OSBPL3: variants seen among roughly 807,000 people sequenced by gnomAD.
OSBPL3 encodes oxysterol-binding protein-related protein 3.
In OSBPL3, 65 loss-of-function variants were observed where a neutral mutation model predicts 120.1. That is an observed-to-expected ratio of 0.54 (90% CI 0.44 to 0.67). OSBPL3 has a LOEUF of 0.67. Ranked by LOEUF, OSBPL3 falls within the 30% of genes least tolerant of loss-of-function variation. The pLI, the probability that OSBPL3 is intolerant of heterozygous loss-of-function variation, is 0.00. For synonymous variants in OSBPL3, 416 were observed against 402.6 expected (o/e 1.03, Z -0.40); for missense variants, 1,004 against 1,082.1 (o/e 0.93, Z 1.01).
chr7:24,844,890 A>G (rs894599810), intron 12 of OSBPL3, among the ~76,000 whole-genome samples: 15 of 152,176 alleles, frequency 9.9e-5, no homozygotes, highest in African/African-American at 3.4e-4. Flanking sequence ...TGTCTGCTCC[A>G]TTCACTAACC....
At chr7:24,812,535 AGC>A (rs1793959568) in intron 19 of OSBPL3, among the ~76,000 whole-genome samples, 1 of 151,976 alleles carries the variant, frequency 6.6e-6, no homozygotes. Flanking sequence ...AGGGAGCTCT[AGC>A]ACCCTAGAGT....
In OSBPL3 at chr7:24,873,842, C is replaced by T. The variant is rs560106370; in HGVS notation, c.97-1773G>A. 7.2e-5 allele frequency among the ~76,000 whole-genome samples: 11 copies of T among 152,222 alleles called. No individual in the cohort carries two copies. The highest frequency in any genetic ancestry group is 1.5e-4 in the Non-Finnish European group (10 of 68,008). ...AATGTTAATGAACCTTTAAGGTTGT[C>T]AAGTTAAAAATTCCACCTCAAATTT... On this transcript the variant is annotated intron_variant, in intron 2 of 22. Transcript: ENST00000313367. The surrounding 1 kb of genome is among the most constrained non-coding windows in gnomAD (Gnocchi z 4.1).
chr7:24,847,059 C>CAA (rs10712873), intron 12 of OSBPL3, among the ~76,000 whole-genome samples: 8,761 of 106,076 alleles, frequency 0.083, 408 homozygotes, highest in Non-Finnish European at 0.13. Context: ...GACTCTGTCT[C>CAA]AAAAAAAAAA....
chr7:24,934,043 C>T (rs939121237), intron 1 of OSBPL3, among the ~76,000 whole-genome samples: 3 of 152,142 alleles, frequency 2.0e-5, no homozygotes, highest in Non-Finnish European at 2.9e-5. Context: ...ATTTTCTCAG[C>T]TGGAGCCAAG....
chr7:24,937,177 ATAT>A lies in OSBPL3; in HGVS notation c.-150+42706_-150+42708del, dbSNP rs938164969. Among the ~76,000 whole-genome samples, 16 of 152,316 alleles carry A rather than the reference ATAT, an allele frequency of 1.1e-4. 1 individual carries two copies. The highest frequency in any genetic ancestry group is 9.2e-4 in the Admixed American group (14 of 15,300). On this transcript the variant is annotated intron_variant, in intron 1 of 22. Coordinates refer to ENST00000313367, the MANE Select transcript of OSBPL3 (RefSeq NM_015550.4). The surrounding 1 kb of genome is among the most constrained non-coding windows in gnomAD (Gnocchi z 4.0). The stretch of plus-strand genomic sequence containing the variant: ...CGAGCAAAAGGGGGAAAAGGCCCTT[ATAT>A]TATAAAACCATCAGATGTAGTGAGA...
rs991735339 is a variant in OSBPL3 at position 24,899,026 on chromosome 7, T to C, written c.-149-6405A>G. Among the ~76,000 whole-genome samples, 3 of 152,148 alleles carry C rather than the reference T, an allele frequency of 2.0e-5. No homozygotes were observed. Among genetic ancestry groups the C allele is most frequent in the African/African-American group, 7.2e-5 (3 of 41,420 alleles). ...ACAAGACAGAACTTTTTTTTAACCA[T>C]AACCTGCACTGAAACCACCACCATC... On this transcript the variant is annotated intron_variant, in intron 1 of 22. Transcript: ENST00000313367. The surrounding 1 kb of genome is among the most constrained non-coding windows in gnomAD (Gnocchi z 4.0).
At chr7:24,882,426 T>A (rs2128312546) in intron 2 of OSBPL3, among the ~76,000 whole-genome samples, 1 of 152,336 alleles carries the variant, frequency 6.6e-6, no homozygotes, top group African/African-American at 2.4e-5. Context: ...TGCTGCAAAA[T>A]ACATGATTTC....
At position 24,866,097 on chromosome 7, in the gene OSBPL3, C is replaced by T; in HGVS notation, c.522G>A (p.Gly174=). The T allele has an allele frequency of 6.2e-7, 1 of 1,613,808 alleles. No homozygotes were observed. The highest frequency in any genetic ancestry group is 2.2e-5 in the East Asian group (1 of 44,878). Reference sequence around the variant, plus strand: ...TCCTACTTGAAATGGAGTCAAACACCCCAGATGAAGAGTCTGTGATGGTGG... The same window carrying T: ...TCCTACTTGAAATGGAGTCAAACACTCCAGATGAAGAGTCTGTGATGGTGG... ...SGSTITDSSS[G]VFDSISSRKR... is the part of the protein sequence containing the mutation. The change falls in exon 6 of 23, where the codon GGG becomes GGA. Residue 174 remains glycine (G), a synonymous_variant. Coordinates refer to ENST00000313367, the MANE Select transcript of OSBPL3 (RefSeq NM_015550.4).
At chr7:24,969,141 A>AT (rs1273561427) in intron 1 of OSBPL3, among the ~76,000 whole-genome samples, 5 of 152,358 alleles carry the variant, frequency 3.3e-5, no homozygotes, top group Admixed American at 2.0e-4. Context: ...GTTTCTTCAA[A>AT]ACTTTGCCAA....
At chr7:24,901,969 C>T (rs2128382166) in intron 1 of OSBPL3, among the ~76,000 whole-genome samples, 1 of 152,244 alleles carries the variant, frequency 6.6e-6, no homozygotes, top group South Asian at 2.1e-4. Flanking sequence ...TTTTGTAGAG[C>T]AGTAATAATA....
rs1378666117 is a variant in OSBPL3, at chr7:24,804,015, T to C, written c.2567+300A>G. Among the ~76,000 whole-genome samples the C allele has an allele frequency of 6.6e-6, 1 of 152,100 alleles. No individual in the cohort carries two copies. The highest frequency in any genetic ancestry group is 1.5e-5 in the Non-Finnish European group (1 of 68,016). On this transcript the variant is annotated intron_variant, in intron 22 of 22. Transcript: ENST00000313367. The surrounding 1 kb of genome is among the most constrained non-coding windows in gnomAD (Gnocchi z 5.4). ...AAGCTGGCCTGGTGCTGGGACCCAG[T>C]TCTGGCAGGCTCCCTGACTGAGGAG... is the stretch of plus-strand genomic sequence containing the variant.
At chr7:24,841,717 A>AAAAAG (rs1554358559) in intron 13 of OSBPL3, among the ~76,000 whole-genome samples, 13,608 of 82,520 alleles carry the variant, frequency 0.16, 3,578 homozygotes, top group African/African-American at 0.31. Context: ...AAAAAAAAAA[A>AAAAAG]AAAAGAGGCC....
At chr7:24,945,486 G>T (rs1244934348) in intron 1 of OSBPL3, among the ~76,000 whole-genome samples, 1 of 152,178 alleles carries the variant, frequency 6.6e-6, no homozygotes, top group Non-Finnish European at 1.5e-5. Flanking sequence ...CCTAGAACAA[G>T]GCCAGACACA....
intron 14 of OSBPL3, among the ~76,000 whole-genome samples, chr7:24,839,840 C>T (rs1455902611): frequency 6.6e-6 from 1 of 151,516 alleles, no homozygotes; most frequent in South Asian, 2.1e-4. Flanking sequence ...AAATACAAAA[C>T]TTAGCTGGGC....
rs1261296684 is a variant in OSBPL3, at chr7:24,896,980, G to C, written c.-149-4359C>G. On this transcript the variant is annotated intron_variant, in intron 1 of 22. Transcript: ENST00000313367. The surrounding 1 kb of genome is among the most constrained non-coding windows in gnomAD (Gnocchi z 4.4). ...CCAGCTACTCAGGAGGCTGAGGCAG[G>C]AGAACTGCTTGAACCTGGGAGGCAG... Among the ~76,000 whole-genome samples the C allele has an allele frequency of 6.6e-6, 1 of 151,554 alleles. No homozygotes were observed. Among genetic ancestry groups the C allele is most frequent in the African/African-American group, 2.4e-5 (1 of 41,332 alleles).
At position 24,834,292 on chromosome 7, in the gene OSBPL3, T is replaced by G. The variant is rs2285687; in HGVS notation, c.1746+194A>C. 376,633 of 1,415,988 alleles carry G rather than the reference T, an allele frequency of 0.27. 54,042 individuals carry two copies. Among genetic ancestry groups the G allele is most frequent in the Non-Finnish European group, 0.3 (320,900 of 1,079,436 alleles). 87.7% of individuals were successfully genotyped at this position (1,415,988 alleles called of 1,614,324 possible). A position where few individuals can be genotyped will look rare whatever the true frequency, so the allele number is the denominator to read the frequency against. ...GCCACGGAGAAGCACCCCAACCCCGTCTCCAAATCCTCACAAGGTGACTGG... is the reference window on the plus strand; with the variant it reads ...GCCACGGAGAAGCACCCCAACCCCGGCTCCAAATCCTCACAAGGTGACTGG... On this transcript the variant is annotated intron_variant, in intron 15 of 22. Transcript: ENST00000313367. The surrounding 1 kb of genome is among the most constrained non-coding windows in gnomAD (Gnocchi z 5.2).
chr7:24,907,895 A>T (rs970423223), intron 1 of OSBPL3, among the ~76,000 whole-genome samples: 1 of 152,214 alleles, frequency 6.6e-6, no homozygotes, highest in African/African-American at 2.4e-5. Flanking sequence ...AAAGTAATTT[A>T]CAAAGACTGG....
chr7:24,868,359 G>GTC (rs1294513715), intron 5 of OSBPL3, among the ~76,000 whole-genome samples: 1 of 148,096 alleles, frequency 6.8e-6, no homozygotes, highest in African/African-American at 2.5e-5. Flanking sequence ...GTGTGTGTGT[G>GTC]TGTGTGTGTG....
At chr7:24,911,380 T>C (rs959975054) in intron 1 of OSBPL3, among the ~76,000 whole-genome samples, 1 of 152,180 alleles carries the variant, frequency 6.6e-6, no homozygotes, top group Admixed American at 6.5e-5. Context: ...AAAAAGACTA[T>C]CAATTGAGTT....
Sources: allele counts gnomAD v4.1 joint callset (sites outside exome capture counted in the v4.1 genomes callset), GRCh38; gene constraint gnomAD v4.1.1; non-coding constraint Gnocchi (gnomAD v3.1); transcripts MANE v1.5; gene names NCBI Gene and HGNC (gene_info 2026-07-23, HGNC 2026-07-21).